Variants in DDX46 observed in about 807,000 individuals in gnomAD.
DDX46 encodes the protein DEAD-box helicase 46, also known as probable ATP-dependent RNA helicase DDX46.
In DDX46, 30 loss-of-function variants were observed where a neutral mutation model predicts 134.9. The ratio of observed to expected loss-of-function variants is 0.22; its 90% CI spans 0.17 to 0.30. The LOEUF (loss-of-function observed/expected upper bound fraction) is 0.30, where lower values mean the gene tolerates loss of function less well. DDX46 is among the 10% of genes least tolerant of loss of function. The probability of loss-of-function intolerance (pLI) is 1.00; values close to 1 mark genes in which losing one functional copy is unlikely to be tolerated. For missense variants in DDX46, 622 were observed against 1,248.7 expected (o/e 0.50, Z 7.56); for synonymous variants, 415 against 404.1 (o/e 1.03, Z -0.32).
At chr5:134,781,395 G>A in intron 7 of DDX46, 149 bp downstream of exon 7, 2 of 629,892 alleles carry the variant, frequency 3.2e-6, no homozygotes, top group South Asian at 3.8e-5. Flanking sequence ...TAGTATAATA[G>A]TATCTAGTTA....
rs1754171637 is a variant in DDX46 at position 134,782,067 on chromosome 5, A to T, written c.1026A>T (p.Leu342=). Residue 342 remains leucine, a synonymous_variant, in exon 8 of 23, where the codon CTA becomes CTT. Coordinates refer to ENST00000452510, the MANE Select transcript of DDX46 (RefSeq NM_001300860.2). ...RKNFYVEVPE[L]AKMSQEEVNV... Reference sequence around the variant, plus strand: ...ACTTCTATGTTGAAGTTCCAGAACTAGCAAAAATGTCTCAAGAAGGTAAAA... The same window carrying T: ...ACTTCTATGTTGAAGTTCCAGAACTTGCAAAAATGTCTCAAGAAGGTAAAA... 1 of 1,587,804 alleles carries T rather than the reference A, an allele frequency of 6.3e-7. No individual in the cohort carries two copies. Among genetic ancestry groups the T allele is most frequent in the South Asian group, 1.2e-5 (1 of 86,850 alleles).
intron 22 of DDX46, among the ~76,000 whole-genome samples, chr5:134,827,913 T>C (rs1031658188): frequency 2.0e-5 from 3 of 152,250 alleles, no homozygotes; most frequent in African/African-American, 7.2e-5. Context: ...TTGTTAATTA[T>C]AGGCTAGGTA....
chr5:134,817,989 G>C (rs985540193), intron 20 of DDX46, among the ~76,000 whole-genome samples: 2 of 145,768 alleles, frequency 1.4e-5, no homozygotes, highest in Non-Finnish European at 3.0e-5. Flanking sequence ...TGCTCTTATC[G>C]CCTAGGCTGG....
At chr5:134,816,786 A>C in intron 19 of DDX46, 180 bp downstream of exon 19, 1 of 630,734 alleles carries the variant, frequency 1.6e-6, no homozygotes, top group Non-Finnish European at 2.6e-6. Flanking sequence ...AGTGCTATTG[A>C]CTGAGGACTT....
At chr5:134,775,930 C>T (rs1174393488) in intron 5 of DDX46, among the ~76,000 whole-genome samples, 1 of 152,134 alleles carries the variant, frequency 6.6e-6, no homozygotes, top group African/African-American at 2.4e-5. Context: ...CACACCAACC[C>T]CCACACAGTG....
intron 4 of DDX46, among the ~76,000 whole-genome samples, chr5:134,771,884 G>T (rs948548439): frequency 2.0e-5 from 3 of 152,128 alleles, no homozygotes; most frequent in African/African-American, 7.2e-5. Context: ...TACATACAAA[G>T]TGCAGTCTTA....
chr5:134,761,372 T>G (rs564709166), intron 1 of DDX46, among the ~76,000 whole-genome samples: 1 of 152,266 alleles, frequency 6.6e-6, no homozygotes, highest in Non-Finnish European at 1.5e-5. Flanking sequence ...AGAAAAATAT[T>G]GATGATGACT....
intron 5 of DDX46, among the ~76,000 whole-genome samples, chr5:134,775,224 G>A (rs775669290): frequency 6.6e-6 from 1 of 152,118 alleles, no homozygotes; most frequent in African/African-American, 2.4e-5. Context: ...TCAGTGTTGG[G>A]ATTACAGGCA....
Position 134,811,246 on chromosome 5 carries a change from A to T in DDX46, c.2174A>T (p.Glu725Val), listed in dbSNP as rs1169559188. The change falls in exon 17 of 23, where the codon GAG (glutamate) becomes GTG (valine). Residue 725 changes from glutamate to valine, a missense_variant. By Grantham distance (121) the Glu-to-Val change is moderately radical. Transcript: ENST00000452510. ...NKGYAYTFITEDQARYAGDII... is the reference protein window; with the variant it reads ...NKGYAYTFITVDQARYAGDII... ...GGTTATGCTTATACTTTTATCACAGAGGATCAAGCTCGCTATGCTGGTGAC... is the reference window on the plus strand; with the variant it reads ...GGTTATGCTTATACTTTTATCACAGTGGATCAAGCTCGCTATGCTGGTGAC... 5 of 1,614,026 alleles carry T rather than the reference A, an allele frequency of 3.1e-6. No homozygotes were observed. In the South Asian group the frequency reaches 5.5e-5, roughly 18 times the overall value.
rs186827248 is a variant in DDX46 at position 134,770,787 on chromosome 5, A to G, written c.351-116A>G. 1,896 of 832,632 alleles carry G rather than the reference A, an allele frequency of 2.3e-3. 8 individuals are homozygous for G. Among genetic ancestry groups the G allele is most frequent in the Non-Finnish European group, 2.9e-3 (1,659 of 565,062 alleles). The allele number at this position is 832,632 out of a possible 1,614,324, so 51.6% of individuals were successfully genotyped here. On this transcript the variant is annotated intron_variant, in intron 3 of 22. Coordinates refer to ENST00000452510, the MANE Select transcript of DDX46 (RefSeq NM_001300860.2). ...AGATCGCACCATTTCACTCCACTCC[A>G]GTCTGGGCGACAGAGTGAGACACTG...
intron 1 of DDX46, among the ~76,000 whole-genome samples, chr5:134,761,628 A>T (rs191616089): frequency 1.3e-5 from 2 of 152,216 alleles, no homozygotes; most frequent in African/African-American, 4.8e-5. Context: ...TATATACTAT[A>T]TATCTCCACT....
intron 12 of DDX46, 98 bp from the exon 13 acceptor site, chr5:134,790,372 A>T: frequency 9.5e-7 from 1 of 1,051,158 alleles, no homozygotes; most frequent in Non-Finnish European, 1.4e-6. Flanking sequence ...CAGGCATTTT[A>T]GTTTCCTTTA....
At chr5:134,769,405 A>T (rs1753687320) in intron 3 of DDX46, among the ~76,000 whole-genome samples, 2 of 139,284 alleles carry the variant, frequency 1.4e-5, no homozygotes, top group Admixed American at 1.6e-4. Flanking sequence ...ATATCAGCTC[A>T]TTGCAACCTC....
chr5:134,822,363 T>TTCTAAGA (rs1755480050), intron 21 of DDX46, among the ~76,000 whole-genome samples: 1 of 151,970 alleles, frequency 6.6e-6, no homozygotes, highest in Non-Finnish European at 1.5e-5. Context: ...GACAGGGTCT[T>TTCTAAGA]GATCTGTCAC....
Position 134,828,793 on chromosome 5 carries a change from G to T in DDX46, c.*87G>T. 1 of 1,026,204 alleles carries T rather than the reference G, an allele frequency of 9.7e-7. No individual in the cohort carries two copies. The allele number at this position is 1,026,204 out of a possible 1,614,324, so 63.6% of individuals were successfully genotyped here. ...CAGTTTACAATGTATTGTAAATGAA[G>T]ATTTTTTAAATTCTATCTTGCTGAT... On this transcript the variant is annotated 3_prime_UTR_variant, in exon 23 of 23. Coordinates refer to ENST00000452510, the MANE Select transcript of DDX46 (RefSeq NM_001300860.2).
intron 15 of DDX46, among the ~76,000 whole-genome samples, chr5:134,803,248 C>A (rs1754885358): frequency 6.6e-6 from 1 of 152,138 alleles, no homozygotes; most frequent in Non-Finnish European, 1.5e-5. Context: ...CCCACCTTGG[C>A]CTCCCAAAGT....
intron 2 of DDX46, among the ~76,000 whole-genome samples, chr5:134,764,628 T>A (rs187049282): frequency 5.8e-4 from 88 of 152,298 alleles, no homozygotes; most frequent in African/African-American, 2.0e-3. Flanking sequence ...GTATTTCCTG[T>A]AACCCAAAGA....
At chr5:134,778,676 C>G (rs1001590630) in intron 6 of DDX46, among the ~76,000 whole-genome samples, 1 of 151,854 alleles carries the variant, frequency 6.6e-6, no homozygotes, top group Non-Finnish European at 1.5e-5. Flanking sequence ...CAAGTTCAAG[C>G]GATTCTCCTG....
At chr5:134,802,499 T>G (rs1288756975) in intron 15 of DDX46, among the ~76,000 whole-genome samples, 6 of 127,324 alleles carry the variant, frequency 4.7e-5, no homozygotes, top group African/African-American at 1.7e-4. Context: ...ACATTATCGT[T>G]TTTTTTTTTT....
Sources: gnomAD v4.1 joint callset for allele counts (sites outside exome capture counted in the v4.1 genomes callset) on GRCh38, gnomAD v4.1.1 for gene constraint, MANE v1.5 for transcripts, NCBI Gene and HGNC (gene_info 2026-07-23, HGNC 2026-07-21) for gene names.